Variants in KCNIP4 observed in about 807,000 individuals in gnomAD.
The protein encoded by KCNIP4 is Kv channel-interacting protein 4.
A neutral mutation model predicts 34.0 loss-of-function variants in KCNIP4; 12 were observed. The observed-to-expected ratio is 0.35, with a 90% CI of 0.23 to 0.57. KCNIP4 has a LOEUF of 0.57. Among genes scored for constraint, KCNIP4 ranks in the 20% least tolerant of loss-of-function variants. KCNIP4 has a pLI of 0.83. For missense variants in KCNIP4, 238 were observed against 311.7 expected (o/e 0.76, Z 1.78); for synonymous variants, 124 against 102.2 (o/e 1.21, Z -1.29).
intron 1 of KCNIP4, among the ~76,000 whole-genome samples, chr4:21,247,772 TGTTTTTTATATATATACACCACAGGTGG>T: frequency 3.1e-5 from 2 of 64,942 alleles, no homozygotes; most frequent in Non-Finnish European, 5.4e-5. Flanking sequence ...ACCCCACAGG[TGTTTTTTATATATATACACCACAGGTGG>T]ATATATATAT....
Position 21,532,001 on chromosome 4 carries a change from TGC to T in KCNIP4, c.61+416568_61+416569del, listed in dbSNP as rs775289752. ...GGTGGGTAGGAAATTGAGGGTGCCTTGCTATTTTCAGCAACTGTCAGAGTGTT... is the reference window on the plus strand; with the variant it reads ...GGTGGGTAGGAAATTGAGGGTGCCTTTATTTTCAGCAACTGTCAGAGTGTT... On this transcript the variant is annotated intron_variant, in intron 1 of 8. Coordinates refer to ENST00000382152, the MANE Select transcript of KCNIP4 (RefSeq NM_025221.6). Among the ~76,000 whole-genome samples, 32 of 152,212 alleles carry T rather than the reference TGC, an allele frequency of 2.1e-4. No individual in the cohort carries two copies. The East Asian group carries it at 2.7e-3, about 13-fold the overall frequency.
intron 1 of KCNIP4, chr4:21,656,392 T>C (rs1441498553): frequency 1.3e-5 from 2 of 152,222 alleles, no homozygotes; most frequent in African/African-American, 4.8e-5. Context: ...AGTTGCATTC[T>C]GAAATATTGG....
At chr4:21,850,370 C>T (rs1261509629) in intron 1 of KCNIP4, 2 of 151,940 alleles carry the variant, frequency 1.3e-5, no homozygotes, top group African/African-American at 4.8e-5. Flanking sequence ...GAATATTTGT[C>T]GCCTCCAAAA....
intron 1 of KCNIP4, among the ~76,000 whole-genome samples, chr4:21,621,257 T>G (rs1353026713): frequency 6.6e-6 from 1 of 152,172 alleles, no homozygotes; most frequent in Non-Finnish European, 1.5e-5. Context: ...CTGCCACACC[T>G]AAATAAACAC....
At chr4:21,355,268 A>G (rs567467934) in intron 1 of KCNIP4, among the ~76,000 whole-genome samples, 113 of 152,298 alleles carry the variant, frequency 7.4e-4, no homozygotes, top group African/African-American at 2.6e-3. Context: ...AAACAAATTC[A>G]AAAGCTAGCA....
intron 1 of KCNIP4, among the ~76,000 whole-genome samples, chr4:21,117,195 G>A (rs1416413570): frequency 2.0e-5 from 3 of 150,626 alleles, no homozygotes; most frequent in Non-Finnish European, 2.9e-5. Flanking sequence ...TTCTAGAGCA[G>A]CAACTTTCAC....
intron 1 of KCNIP4, among the ~76,000 whole-genome samples, chr4:21,398,741 C>A (rs938555650): frequency 9.2e-5 from 14 of 152,198 alleles, no homozygotes; most frequent in Admixed American, 8.5e-4. Context: ...ACAAAAAGCA[C>A]ACTGGAATTC....
intron 1 of KCNIP4, among the ~76,000 whole-genome samples, chr4:21,890,804 G>A (rs190518925): frequency 8.0e-4 from 122 of 152,136 alleles, no homozygotes; most frequent in African/African-American, 2.7e-3. Context: ...GCCAGACCCC[G>A]ATGGATTTCA....
At position 21,224,733 on chromosome 4, in the gene KCNIP4, C is replaced by T. The variant is rs138166441; in HGVS notation, c.62-342024G>A. Among the ~76,000 whole-genome samples the T allele has an allele frequency of 5.0e-3, 761 of 151,596 alleles. 5 individuals carry two copies. The highest frequency in any genetic ancestry group is 0.018 in the African/African-American group (734 of 41,258). ...TCCCAAGTAGCTGGGATTATAGATG[C>T]GCACCACCATGCCTGGCTAATTTTT... On this transcript the variant is annotated intron_variant, in intron 1 of 8. Coordinates refer to ENST00000382152, the MANE Select transcript of KCNIP4 (RefSeq NM_025221.6).
In KCNIP4 at chr4:21,577,428, G is replaced by A. The variant is rs141785459; in HGVS notation, c.61+371143C>T. ...GCAGACCACCTGAGGTCAGGTGTTCGAGACCAGCCTGGCCAATATAGCAAA... is the reference window on the plus strand; with the variant it reads ...GCAGACCACCTGAGGTCAGGTGTTCAAGACCAGCCTGGCCAATATAGCAAA... On this transcript the variant is annotated intron_variant, in intron 1 of 8. Coordinates refer to ENST00000382152, the MANE Select transcript of KCNIP4 (RefSeq NM_025221.6). Among the ~76,000 whole-genome samples the A allele has an allele frequency of 7.4e-3, 1,119 of 152,150 alleles. 8 individuals are homozygous for A. The highest frequency in any genetic ancestry group is 0.011 in the Non-Finnish European group (752 of 68,010).
At chr4:21,622,198 CA>C (rs1745039791) in intron 1 of KCNIP4, among the ~76,000 whole-genome samples, 1 of 152,104 alleles carries the variant, frequency 6.6e-6, no homozygotes, top group Non-Finnish European at 1.5e-5. Flanking sequence ...CACAGATGTA[CA>C]AATGATGTAT....
chr4:21,267,975 GT>G (rs1036917985), intron 1 of KCNIP4, among the ~76,000 whole-genome samples: 4 of 151,796 alleles, frequency 2.6e-5, no homozygotes, highest in Admixed American at 2.6e-4. Flanking sequence ...AATCCATCTG[GT>G]CCTGGACTCT....
chr4:21,683,736 C>A (rs981623707), intron 1 of KCNIP4, among the ~76,000 whole-genome samples: 1 of 152,026 alleles, frequency 6.6e-6, no homozygotes, highest in Non-Finnish European at 1.5e-5. Context: ...AGTATACTGT[C>A]TTGCCAGTTA....
At chr4:21,850,026 G>A (rs1221755346) in intron 1 of KCNIP4, 1 of 151,912 alleles carries the variant, frequency 6.6e-6, no homozygotes, top group African/African-American at 2.4e-5. Context: ...CATTTCAACT[G>A]GTGAAAATAG....
chr4:21,396,548 C>CTAAAAAAAA (rs1428768959), intron 1 of KCNIP4, among the ~76,000 whole-genome samples: 2 of 7,234 alleles, frequency 2.8e-4, no homozygotes, highest in East Asian at 3.2e-3. Flanking sequence ...GAGCAAGACT[C>CTAAAAAAAA]CAAAAAAAAA....
At chr4:21,396,474 T>G (rs1723008081) in intron 1 of KCNIP4, among the ~76,000 whole-genome samples, 1 of 132,322 alleles carries the variant, frequency 7.6e-6, no homozygotes, top group Non-Finnish European at 1.6e-5. Flanking sequence ...GAGAGTTGCC[T>G]GAACCCGGGA....
chr4:21,873,972 C>G (rs1214380038), intron 1 of KCNIP4, among the ~76,000 whole-genome samples: 1 of 152,232 alleles, frequency 6.6e-6, no homozygotes, highest in Non-Finnish European at 1.5e-5. Flanking sequence ...ACTCTGCTCA[C>G]ACAAGATAAT....
intron 1 of KCNIP4, among the ~76,000 whole-genome samples, chr4:21,061,438 C>A (rs979369994): frequency 6.0e-4 from 92 of 152,092 alleles, no homozygotes; most frequent in African/African-American, 2.1e-3. Context: ...ACACTATAAT[C>A]CTATATAAGC....
At chr4:21,682,093 T>G (rs937978623) in intron 1 of KCNIP4, among the ~76,000 whole-genome samples, 1 of 152,066 alleles carries the variant, frequency 6.6e-6, no homozygotes, top group Non-Finnish European at 1.5e-5. Flanking sequence ...GGTTTCACCA[T>G]GTTAGCCAGG....
Sources: allele counts gnomAD v4.1 joint callset (sites outside exome capture counted in the v4.1 genomes callset), GRCh38; gene constraint gnomAD v4.1.1; transcripts MANE v1.5; gene names NCBI Gene and HGNC (gene_info 2026-07-23, HGNC 2026-07-21).